KALRN: variants seen among roughly 807,000 people sequenced by gnomAD.
KALRN encodes kalirin RhoGEF kinase.
A neutral mutation model predicts 353.7 loss-of-function variants in KALRN; 70 were observed. The observed-to-expected ratio is 0.20, with a 90% confidence interval of 0.16 to 0.24. The LOEUF (loss-of-function observed/expected upper bound fraction) is 0.24. Ranked by LOEUF, KALRN falls within the 10% of genes least tolerant of loss-of-function variation. The pLI is 1.00. For missense variants in KALRN, 2,791 were observed against 3,756.7 expected (o/e 0.74, Z 6.72); for synonymous variants, 1,391 against 1,434.8 (o/e 0.97, Z 0.69).
At position 124,177,736 on chromosome 3, in the gene KALRN, C is replaced by T. The variant is rs139360746; in HGVS notation, c.74-50254C>T. On this transcript the variant is annotated intron_variant, in intron 1 of 59. Coordinates refer to ENST00000682506, the MANE Select transcript of KALRN (RefSeq NM_001388419.1). The stretch of plus-strand genomic sequence containing the variant: ...GGTAGGGGTCATAAGGAGTCATTGA[C>T]AAGATGATTGTGATGTGCTGGGGAG... 1.2e-3 allele frequency among the ~76,000 whole-genome samples: 187 copies of T among 152,230 alleles called. 1 individual carries two copies. Among genetic ancestry groups the T allele is most frequent in the African/African-American group, 4.2e-3 (173 of 41,548 alleles).
chr3:124,674,530 C>T lies in KALRN; in HGVS notation c.7109C>T (p.Pro2370Leu), dbSNP rs368115319. 3.1e-6 allele frequency: 5 copies of T among 1,613,666 alleles called. No individual in the cohort carries two copies. Among genetic ancestry groups the T allele is most frequent in the Non-Finnish European group, 4.2e-6 (5 of 1,179,912 alleles). ...TACCAGCCTGCCAGCGACCATTCCC[C>T]CGCCGCCGAGGGCTGGGTCCCAGGC... Reference protein sequence around the residue: ...LVYQPASDHSPAAEGWVPGSI... With the variant: ...LVYQPASDHSLAAEGWVPGSI... The change falls in exon 49 of 60, where the codon CCC (proline) becomes CTC (leucine). Residue 2370 changes from proline (P) to leucine (L), a missense_variant. Coordinates refer to ENST00000682506, the MANE Select transcript of KALRN (RefSeq NM_001388419.1).
At chr3:124,157,430 C>T (rs188336411) in intron 1 of KALRN, among the ~76,000 whole-genome samples, 220 of 152,316 alleles carry the variant, frequency 1.4e-3, no homozygotes, top group Non-Finnish European at 2.4e-3. Context: ...ACACCAATCA[C>T]TGCCAGGATT....
intron 37 of KALRN, among the ~76,000 whole-genome samples, chr3:124,644,131 CT>C (rs1270683274): frequency 6.6e-6 from 1 of 152,192 alleles, no homozygotes; most frequent in African/African-American, 2.4e-5. Flanking sequence ...GGTTTCCTAG[CT>C]GCCTTCTCCA....
At chr3:124,078,164 C>T (rs1177877165) in intron 1 of KALRN, among the ~76,000 whole-genome samples, 1 of 152,132 alleles carries the variant, frequency 6.6e-6, no homozygotes, top group Non-Finnish European at 1.5e-5. Flanking sequence ...TAATATTCAT[C>T]TTTTTGTGGT....
At chr3:124,424,700 C>T (rs1445070438) in intron 15 of KALRN, among the ~76,000 whole-genome samples, 1 of 152,172 alleles carries the variant, frequency 6.6e-6, no homozygotes, top group East Asian at 1.9e-4. Context: ...TGGTGGAAAT[C>T]CTAGCAGGCC....
At chr3:124,100,371 G>A (rs2061763672) in intron 1 of KALRN, 2 of 152,144 alleles carry the variant, frequency 1.3e-5, no homozygotes, top group African/African-American at 4.8e-5. Flanking sequence ...CTGTGCAGAA[G>A]CTTTTTAGTT....
chr3:124,699,826 CT>C, intron 55 of KALRN, 42 bp from the exon 56 acceptor site: 1 of 1,599,058 alleles, frequency 6.3e-7, no homozygotes, highest in Non-Finnish European at 8.6e-7. Flanking sequence ...AACAATATCC[CT>C]TTGGCTTTTC....
rs1708303 is a variant in KALRN at position 124,632,469 on chromosome 3, G to A, written c.5232G>A (p.Val1744=). ...SSENGGKSES[V]ANLQAQPSLN... The stretch of plus-strand genomic sequence containing the variant: ...AGAATGGAGGCAAGTCCGAGTCCGT[G>A]GCCAACCTGCAGGCCCAGCCCTCCC... The change falls in exon 35 of 60, where the codon GTG becomes GTA. Residue 1744 remains valine (V), a synonymous_variant. Coordinates refer to ENST00000682506, the MANE Select transcript of KALRN (RefSeq NM_001388419.1). 0.59 allele frequency: 944,327 copies of A among 1,613,576 alleles called. 281,664 individuals are homozygous for A. Among genetic ancestry groups the A allele is most frequent in the East Asian group, 0.9 (40,421 of 44,878 alleles).
intron 5 of KALRN, among the ~76,000 whole-genome samples, chr3:124,270,147 G>A (rs548967465): frequency 1.3e-5 from 2 of 152,324 alleles, no homozygotes; most frequent in African/African-American, 4.8e-5. Flanking sequence ...TGTGCTTTAA[G>A]AAGAATAAAA....
At chr3:124,438,240 C>G (rs1416288904) in intron 17 of KALRN, among the ~76,000 whole-genome samples, 1 of 152,204 alleles carries the variant, frequency 6.6e-6, no homozygotes, top group African/African-American at 2.4e-5. Context: ...GGTCACTTAG[C>G]ATGACCTCTC....
chr3:124,452,913 G>A (rs2058938744), intron 21 of KALRN, among the ~76,000 whole-genome samples: 1 of 152,140 alleles, frequency 6.6e-6, no homozygotes. Flanking sequence ...CTTTCTTATA[G>A]GTGGAGTCAC....
At chr3:124,432,228 G>T (rs1455521963) in intron 16 of KALRN, among the ~76,000 whole-genome samples, 1 of 151,862 alleles carries the variant, frequency 6.6e-6, no homozygotes, top group Non-Finnish European at 1.5e-5. Context: ...TGGCCAAATG[G>T]TGAAACCCCA....
intron 32 of KALRN, among the ~76,000 whole-genome samples, chr3:124,495,961 GTATGTATATATATATATATATA>G (rs1443977318): frequency 2.6e-5 from 1 of 37,894 alleles, no homozygotes; most frequent in Non-Finnish European, 5.1e-5. Flanking sequence ...GTATGTGTAT[GTATGTATATATATATATATATA>G]TATATATATA....
chr3:124,690,506 A>C (rs1179884826), intron 51 of KALRN, among the ~76,000 whole-genome samples: 1 of 152,216 alleles, frequency 6.6e-6, no homozygotes, highest in Non-Finnish European at 1.5e-5. Flanking sequence ...GATAGGATAG[A>C]TAGAGAGGTG....
Position 124,117,066 on chromosome 3 carries a change from G to C in KALRN, c.73+83253G>C, listed in dbSNP as rs902952534. Among the ~76,000 whole-genome samples, 3 of 152,204 alleles carry C rather than the reference G, an allele frequency of 2.0e-5. No individual in the cohort carries two copies. In the South Asian group the frequency reaches 6.2e-4, roughly 32 times the overall value. ...CAAATTAACATCTGCTCACCACCAA[G>C]TGGATCCCTGGAGATCTTTCTTGCT... On this transcript the variant is annotated intron_variant, in intron 1 of 59. Transcript: ENST00000682506.
chr3:124,368,906 C>T (rs1274752105), intron 10 of KALRN, among the ~76,000 whole-genome samples: 3 of 152,206 alleles, frequency 2.0e-5, no homozygotes, highest in Admixed American at 6.5e-5. Context: ...CAAAACCAGT[C>T]AGGCGTGGTG....
chr3:124,214,315 G>A (rs1313362298), intron 1 of KALRN, among the ~76,000 whole-genome samples: 1 of 152,154 alleles, frequency 6.6e-6, no homozygotes, highest in Non-Finnish European at 1.5e-5. Flanking sequence ...AATGCATTGA[G>A]TAGATATGGT....
At chr3:124,646,412 A>ATTTTTTTTTTTTTTTTTTTTTTTTTTT (rs1559758779) in intron 37 of KALRN, among the ~76,000 whole-genome samples, 4 of 125,538 alleles carry the variant, frequency 3.2e-5, no homozygotes, top group Non-Finnish European at 4.9e-5. Context: ...TTTTTTTGAG[A>ATTTTTTTTTTTTTTTTTTTTTTTTTTT]CAGAGCCTTG....
chr3:124,272,645 A>G (rs1233944149), intron 5 of KALRN, among the ~76,000 whole-genome samples: 1 of 152,030 alleles, frequency 6.6e-6, no homozygotes, highest in Non-Finnish European at 1.5e-5. Flanking sequence ...AGGGAGCAAA[A>G]AGAAGGGTGG....
Sources: allele counts gnomAD v4.1 joint callset (sites outside exome capture counted in the v4.1 genomes callset), GRCh38; gene constraint gnomAD v4.1.1; transcripts MANE v1.5; gene names NCBI Gene and HGNC (gene_info 2026-07-23, HGNC 2026-07-21).